TSC1: variants seen among roughly 807,000 people sequenced by gnomAD.
TSC1 encodes TSC complex subunit 1.
In TSC1, 20 loss-of-function variants were observed where a neutral mutation model predicts 124.3. The observed-to-expected ratio is 0.16, with a 90% CI of 0.11 to 0.23. TSC1 has a LOEUF of 0.23. Ranked by LOEUF, TSC1 falls within the 10% of genes least tolerant of loss-of-function variation. The probability of loss-of-function intolerance (pLI) is 1.00; values close to 1 mark genes in which losing one functional copy is unlikely to be tolerated. For synonymous variants in TSC1, 493 were observed against 539.1 expected (o/e 0.91, Z 1.19); for missense variants, 1,124 against 1,448.5 (o/e 0.78, Z 3.64).
intron 20 of TSC1, 190 bp downstream of exon 20, chr9:132,900,525 C>T: frequency 1.2e-6 from 1 of 857,834 alleles, no homozygotes; most frequent in African/African-American, 1.7e-5. Flanking sequence ...TTCAAAGCAA[C>T]CCAATAGGAG....
chr9:132,905,511 C>T (rs1488441755), intron 15 of TSC1, 70 bp downstream of exon 15: 3 of 1,604,456 alleles, frequency 1.9e-6, no homozygotes, highest in East Asian at 2.2e-5. Flanking sequence ...TCTTGTTCCT[C>T]TCTTACACTT....
At chr9:132,916,222 C>A (rs1335773612) in intron 8 of TSC1, among the ~76,000 whole-genome samples, 1 of 152,082 alleles carries the variant, frequency 6.6e-6, no homozygotes, top group East Asian at 1.9e-4. Flanking sequence ...CAGCACACAT[C>A]TAACGGCATC....
intron 2 of TSC1, among the ~76,000 whole-genome samples, chr9:132,929,908 C>A (rs982633534): frequency 6.6e-6 from 1 of 152,118 alleles, no homozygotes; most frequent in Non-Finnish European, 1.5e-5. Flanking sequence ...GCTAGGTATG[C>A]CCGACTCCAA....
intron 1 of TSC1, among the ~76,000 whole-genome samples, chr9:132,938,394 T>C (rs1002632574): frequency 3.9e-5 from 6 of 152,224 alleles, no homozygotes; most frequent in African/African-American, 1.4e-4. Flanking sequence ...TTTTTCCCTT[T>C]CATATTTGAC....
Position 132,910,617 on chromosome 9 carries a change from T to C in TSC1, c.1217A>G (p.Tyr406Cys), listed in dbSNP as rs143502728. Residue 406 changes from tyrosine (Y) to cysteine (C), a missense_variant, in exon 12 of 23, where the codon TAC becomes TGC. Physicochemically the swap from Tyr to Cys is radical, Grantham distance 194. Transcript: ENST00000298552. Reference sequence around the variant, plus strand: ...GGCCTGGGGGAGTGAAATGTGCACGTAGTCATCCGAATGACAGAGTGGGGC... The same window carrying C: ...GGCCTGGGGGAGTGAAATGTGCACGCAGTCATCCGAATGACAGAGTGGGGC... Reference protein sequence around the residue: ...PPAPLCHSDDYVHISLPQATV... With the variant: ...PPAPLCHSDDCVHISLPQATV... 1.9e-6 allele frequency: 3 copies of C among 1,614,100 alleles called. No individual in the cohort carries two copies. Among genetic ancestry groups the C allele is most frequent in the Non-Finnish European group, 2.5e-6 (3 of 1,180,020 alleles).
chr9:132,901,929 A>G (rs1845397838), intron 18 of TSC1: 1 of 523,620 alleles, frequency 1.9e-6, no homozygotes, highest in African/African-American at 1.9e-5. Flanking sequence ...CAGTTCCCAA[A>G]CTGTGCACCA....
At position 132,903,442 on chromosome 9, in the gene TSC1, C is replaced by A. The variant is rs941950000; in HGVS notation, c.2208+209G>T. Among the ~76,000 whole-genome samples the A allele has an allele frequency of 2.0e-5, 3 of 152,216 alleles. No homozygotes were observed. Among genetic ancestry groups the A allele is most frequent in the African/African-American group, 7.2e-5 (3 of 41,448 alleles). ...ATGGCCAGTTACATGCAAACATACA[C>A]ACACAAAATCACTTGTCCCCACGGT... On this transcript the variant is annotated intron_variant, in intron 17 of 22. Transcript: ENST00000298552. This position sits in a 1 kb window ranked among gnomAD's most constrained non-coding sequence, Gnocchi z 5.9.
chr9:132,928,434 G>A (rs1847009489), intron 3 of TSC1, among the ~76,000 whole-genome samples: 1 of 152,146 alleles, frequency 6.6e-6, no homozygotes, highest in South Asian at 2.1e-4. Context: ...TTAAAAAGAG[G>A]TTAAGCACTT....
At chr9:132,904,532 A>C (rs1328144985) in intron 15 of TSC1, 78 bp from the exon 16 acceptor site, 9 of 1,399,924 alleles carry the variant, frequency 6.4e-6, no homozygotes, top group Non-Finnish European at 8.1e-6. Flanking sequence ...ATTTGCAGCA[A>C]AGTTAGATCA....
In TSC1 at chr9:132,902,324, T is replaced by G. The variant is rs79638006; in HGVS notation, c.2391+281A>C. Among the ~76,000 whole-genome samples, 1 of 152,200 alleles carries G rather than the reference T, an allele frequency of 6.6e-6. No homozygotes were observed. The highest frequency in any genetic ancestry group is 1.5e-5 in the Non-Finnish European group (1 of 68,038). The stretch of plus-strand genomic sequence containing the variant: ...ATTCGTACTCACTAAGTTATTCAGA[T>G]CTACTTAATGAGCAGAACTGTTAAC... On this transcript the variant is annotated intron_variant, in intron 18 of 22. Transcript: ENST00000298552. The surrounding 1 kb of genome is among the most constrained non-coding windows in gnomAD (Gnocchi z 5.2).
At chr9:132,909,727 G>A (rs1312999847) in intron 12 of TSC1, 2 of 152,176 alleles carry the variant, frequency 1.3e-5, no homozygotes, top group Non-Finnish European at 2.9e-5. Flanking sequence ...TTGCCACGAA[G>A]AATATTACAC....
intron 2 of TSC1, among the ~76,000 whole-genome samples, chr9:132,930,587 CAAAA>C (rs58163733): frequency 2.0e-4 from 9 of 45,246 alleles, no homozygotes; most frequent in African/African-American, 6.0e-4. Context: ...GACTCTGCCT[CAAAA>C]AAAAAAAAAA....
In TSC1 at chr9:132,902,694, G is replaced by A. The variant is rs1588301564; in HGVS notation, c.2302C>T (p.Arg768Cys). 2.5e-6 allele frequency: 4 copies of A among 1,614,174 alleles called. No individual in the cohort carries two copies. Among genetic ancestry groups the A allele is most frequent in the East Asian group, 2.2e-5 (1 of 44,890 alleles). ...QARYNQLQEQRDTMVTKLHSQ... is the reference protein window; with the variant it reads ...QARYNQLQEQCDTMVTKLHSQ... ...TGGAGCTTGGTTACCATAGTGTCAC[G>A]CTGCTCCTGGAGCTGATTGTATCTA... Residue 768 changes from arginine to cysteine, a missense_variant, in exon 18 of 23, where the codon CGT becomes TGT. Coordinates refer to ENST00000298552, the MANE Select transcript of TSC1 (RefSeq NM_000368.5). The surrounding 1 kb of genome is among the most constrained non-coding windows in gnomAD (Gnocchi z 5.2).
At chr9:132,918,620 C>G (rs929402196) in intron 8 of TSC1, among the ~76,000 whole-genome samples, 1 of 152,126 alleles carries the variant, frequency 6.6e-6, no homozygotes, top group African/African-American at 2.4e-5. Context: ...ATTCTGAATG[C>G]CCAGACCACC....
rs2131612319 is a variant in TSC1 at position 132,896,666 on chromosome 9, TG to T, written c.3063del (p.Arg1022GlyfsTer69). On this transcript the variant is annotated frameshift_variant, in exon 23 of 23. Transcript: ENST00000298552. LOFTEE classifies it high-confidence loss of function. The surrounding 1 kb of genome is among the most constrained non-coding windows in gnomAD (Gnocchi z 4.5). ...ASGHNGETKT[P>X]RPSSARGSSG... ...CTACTGCCCCGGGCGCTGCTGGGCC[TG>T]GGGGTCTTGGTCTCACCGTTGTGGC... 1 of 1,614,036 alleles carries T rather than the reference TG, an allele frequency of 6.2e-7. No homozygotes were observed. Among genetic ancestry groups the T allele is most frequent in the Non-Finnish European group, 8.5e-7 (1 of 1,180,006 alleles).
At chr9:132,917,455 C>T (rs1413473761) in intron 8 of TSC1, among the ~76,000 whole-genome samples, 2 of 152,098 alleles carry the variant, frequency 1.3e-5, no homozygotes, top group Admixed American at 1.3e-4. Context: ...CTCAGCCTCC[C>T]AAGTAGCTGG....
Position 132,895,661 on chromosome 9 carries a change from G to T in TSC1, c.*574C>A, listed in dbSNP as rs576831542. The T allele has an allele frequency of 1.7e-5, 4 of 237,104 alleles. No homozygotes were observed. Among genetic ancestry groups the T allele is most frequent in the Admixed American group, 5.4e-5 (1 of 18,570 alleles). The allele number at this position is 237,104 out of a possible 1,614,324, so 14.7% of individuals were successfully genotyped here. A position where few individuals can be genotyped will look rare whatever the true frequency, so the allele number is the denominator to read the frequency against. On this transcript the variant is annotated 3_prime_UTR_variant, in exon 23 of 23. Transcript: ENST00000298552. ...AAAAGAATGCAAGTATGAATAAACC[G>T]TTGTTCTTCTAGACCTGCTGCTTTA... is the stretch of plus-strand genomic sequence containing the variant.
At position 132,923,923 on chromosome 9, in the gene TSC1, A is replaced by C. The variant is rs143474088; in HGVS notation, c.364-431T>G. 2.6e-5 allele frequency among the ~76,000 whole-genome samples: 4 copies of C among 152,274 alleles called. No individual in the cohort carries two copies. The highest frequency in any genetic ancestry group is 7.2e-5 in the African/African-American group (3 of 41,570). ...TACTTTTTGTTAATTAAAAAAAAAA[A>C]AAACTGCACATTGACAAGTAACTTA... is the stretch of plus-strand genomic sequence containing the variant. On this transcript the variant is annotated intron_variant, in intron 5 of 22. Coordinates refer to ENST00000298552, the MANE Select transcript of TSC1 (RefSeq NM_000368.5). The surrounding 1 kb of genome is among the most constrained non-coding windows in gnomAD (Gnocchi z 4.2).
chr9:132,898,255 A>G (rs755381273), intron 20 of TSC1, among the ~76,000 whole-genome samples: 25 of 152,234 alleles, frequency 1.6e-4, no homozygotes, highest in Non-Finnish European at 2.9e-4. Context: ...TGATCGTGCT[A>G]AGGCAGATGG....
Sources: gnomAD v4.1 joint callset for allele counts (sites outside exome capture counted in the v4.1 genomes callset) on GRCh38, gnomAD v4.1.1 for gene constraint, Gnocchi (gnomAD v3.1) non-coding constraint, MANE v1.5 for transcripts, NCBI Gene and HGNC (gene_info 2026-07-23, HGNC 2026-07-21) for gene names.